Variants in CC2D2B observed in about 807,000 individuals in gnomAD.
CC2D2B encodes the protein coiled-coil and C2 domain containing 2B.
In CC2D2B, 128 loss-of-function variants were observed where a neutral mutation model predicts 161.2. The observed-to-expected ratio is 0.79, with a 90% CI of 0.69 to 0.92. CC2D2B has a LOEUF of 0.92. Ranked by LOEUF, CC2D2B falls within the 40% of genes least tolerant of loss-of-function variation. The pLI, the probability that CC2D2B is intolerant of heterozygous loss-of-function variation, is 0.00. For synonymous variants in CC2D2B, 391 were observed against 449.8 expected, an observed-to-expected ratio of 0.87 and a Z score of 1.65; for missense variants, 1,173 against 1,375.1, an observed-to-expected ratio of 0.85 and a Z score of 2.32.
intron 11 of CC2D2B, among the ~76,000 whole-genome samples, chr10:95,956,015 A>G (rs1055205044): frequency 6.6e-6 from 1 of 152,178 alleles, no homozygotes; most frequent in Non-Finnish European, 1.5e-5. Context: ...CTCTAAAAGC[A>G]GGAAAATTCA....
In CC2D2B at chr10:95,992,665, T is replaced by C; in HGVS notation, c.2610T>C (p.Tyr870=). The C allele has an allele frequency of 4.1e-6, 5 of 1,234,298 alleles. No homozygotes were observed. The highest frequency in any genetic ancestry group is 5.1e-6 in the Non-Finnish European group (5 of 988,096). 76.5% of individuals were successfully genotyped at this position (1,234,298 alleles called of 1,614,324 possible). Residue 870 remains tyrosine (Y), a synonymous_variant, in exon 22 of 35, where the codon TAT becomes TAC. Coordinates refer to ENST00000646931, the MANE Select transcript of CC2D2B (RefSeq NM_001349008.3). ...TTCTTGTCCGAATAGTGAGGGCCTATAATATTCCTACCAGAAAAACAACAA... is the reference window on the plus strand; with the variant it reads ...TTCTTGTCCGAATAGTGAGGGCCTACAATATTCCTACCAGAAAAACAACAA... The part of the protein sequence containing the change: ...IKILVRIVRA[Y]NIPTRKTTIN...
intron 15 of CC2D2B, among the ~76,000 whole-genome samples, chr10:95,971,574 A>G (rs2077133688): frequency 6.6e-6 from 1 of 152,100 alleles, no homozygotes; most frequent in African/African-American, 2.4e-5. Context: ...CACCACTCCC[A>G]TAGCTTGTTT....
chr10:95,937,454 A>G (rs1253443366), intron 6 of CC2D2B, among the ~76,000 whole-genome samples: 1 of 151,922 alleles, frequency 6.6e-6, no homozygotes, highest in Non-Finnish European at 1.5e-5. Flanking sequence ...TATAACCTTT[A>G]TATATATCAT....
intron 24 of CC2D2B, among the ~76,000 whole-genome samples, chr10:96,002,504 G>A (rs1348384476): frequency 6.6e-6 from 1 of 152,172 alleles, no homozygotes; most frequent in African/African-American, 2.4e-5. Context: ...CTTAAGTGAT[G>A]TCAGGAATAT....
At chr10:95,954,114 G>A (rs1277932984) in intron 10 of CC2D2B, among the ~76,000 whole-genome samples, 1 of 151,982 alleles carries the variant, frequency 6.6e-6, no homozygotes, top group Non-Finnish European at 1.5e-5. Context: ...ATCCTTTAAG[G>A]GCAATGAATA....
chr10:95,996,336 T>C, intron 24 of CC2D2B, 84 bp downstream of exon 24: 3 of 639,886 alleles, frequency 4.7e-6, no homozygotes, highest in Non-Finnish European at 7.9e-6. Flanking sequence ...TGAAAATAAT[T>C]ATTGAAATAG....
chr10:96,029,284 A>C (rs1328027486), intron 34 of CC2D2B, among the ~76,000 whole-genome samples: 7 of 53,746 alleles, frequency 1.3e-4, no homozygotes, highest in Admixed American at 4.2e-4. Context: ...ATATATATAT[A>C]TGTATATATA....
At chr10:95,937,725 T>C (rs1277399709) in intron 6 of CC2D2B, among the ~76,000 whole-genome samples, 40 of 152,118 alleles carry the variant, frequency 2.6e-4, no homozygotes, top group Admixed American at 2.6e-3. Flanking sequence ...ACATTTTCCA[T>C]AGGGGAGGAA....
chr10:95,947,005 T>C (rs1231469906), intron 9 of CC2D2B, among the ~76,000 whole-genome samples: 1 of 148,048 alleles, frequency 6.8e-6, no homozygotes, highest in African/African-American at 2.5e-5. Flanking sequence ...CCCTCGTAAA[T>C]TGCATTACTG....
At position 95,937,987 on chromosome 10, in the gene CC2D2B, A is replaced by G. The variant is rs1026369988; in HGVS notation, c.337-4A>G. 1.2e-5 allele frequency: 19 copies of G among 1,526,490 alleles called. No individual in the cohort carries two copies. The highest frequency in any genetic ancestry group is 5.9e-5 in the Admixed American group (3 of 50,554). 94.6% of individuals were successfully genotyped at this position (1,526,490 alleles called of 1,614,324 possible). A position where few individuals can be genotyped will look rare whatever the true frequency, so the allele number is the denominator to read the frequency against. On this transcript the variant is annotated splice_region_variant and splice_polypyrimidine_tract_variant and intron_variant, in intron 6 of 34. Transcript: ENST00000646931. ...AACTTATTTTCCTTTTTGGTATTCA[A>G]CAGAGACCAGTAAACCGTAGTTATC...
intron 2 of CC2D2B, chr10:95,921,476 G>A (rs1296538037): frequency 6.6e-6 from 1 of 152,222 alleles, no homozygotes; most frequent in Non-Finnish European, 1.5e-5. Context: ...CAGGCACTAT[G>A]ATTGCTCACC....
intron 34 of CC2D2B, among the ~76,000 whole-genome samples, chr10:96,028,665 G>A (rs1400746795): frequency 2.0e-5 from 3 of 152,184 alleles, no homozygotes; most frequent in Non-Finnish European, 4.4e-5. Context: ...TTGAAGACAT[G>A]CCTGCACTCC....
In CC2D2B at chr10:95,938,786, AT is replaced by A; in HGVS notation, c.673-6del. On this transcript the variant is annotated splice_polypyrimidine_tract_variant and intron_variant, in intron 8 of 34. Coordinates refer to ENST00000646931, the MANE Select transcript of CC2D2B (RefSeq NM_001349008.3). ...AAATATTTAATTACTATACTTAAATATTTTTGATAGGGAAAATGTTGGTTTG... is the reference window on the plus strand; with the variant it reads ...AAATATTTAATTACTATACTTAAATATTTTGATAGGGAAAATGTTGGTTTG... The A allele has an allele frequency of 2.8e-6, 2 of 706,116 alleles. No homozygotes were observed. The allele number at this position is 706,116 out of a possible 1,614,324, so 43.7% of individuals were successfully genotyped here.
In CC2D2B at chr10:95,961,799, C is replaced by A. The variant is rs1472111833; in HGVS notation, c.1110-30C>A. 3 of 1,227,472 alleles carry A rather than the reference C, an allele frequency of 2.4e-6. 1 individual carries two copies. The South Asian group carries it at 1.2e-4, about 51-fold the overall frequency. The allele number at this position is 1,227,472 out of a possible 1,614,324, so 76.0% of individuals were successfully genotyped here. A position where few individuals can be genotyped will look rare whatever the true frequency, so the allele number is the denominator to read the frequency against. ...AAGGCTTTTAGTTCTAATCCACTGA[C>A]AAATTTTTGCTCTGCCATTTTTGTT... On this transcript the variant is annotated intron_variant, in intron 11 of 34. Transcript: ENST00000646931.
At chr10:95,986,926 A>G (rs911327508) in intron 19 of CC2D2B, among the ~76,000 whole-genome samples, 3 of 152,234 alleles carry the variant, frequency 2.0e-5, no homozygotes, top group Non-Finnish European at 4.4e-5. Context: ...CATTAAAATT[A>G]AAAACCTACA....
chr10:96,018,945 G>C (rs1209134239), intron 30 of CC2D2B: 2 of 272,888 alleles, frequency 7.3e-6, no homozygotes, highest in Non-Finnish European at 1.4e-5. Flanking sequence ...CTACAGGTGT[G>C]TGTGCCGCTG....
chr10:96,029,713 A>G (rs1013376759), intron 34 of CC2D2B, among the ~76,000 whole-genome samples: 4 of 152,164 alleles, frequency 2.6e-5, no homozygotes, highest in African/African-American at 9.7e-5. Context: ...GTCTTTGCAT[A>G]TAATCTATGT....
At chr10:95,918,127 C>T (rs1163576756) in intron 2 of CC2D2B, among the ~76,000 whole-genome samples, 1 of 152,110 alleles carries the variant, frequency 6.6e-6, no homozygotes, top group Non-Finnish European at 1.5e-5. Flanking sequence ...TCAGTATTCC[C>T]ATTCAAGATA....
chr10:95,936,204 T>G (rs1166715961), intron 6 of CC2D2B, among the ~76,000 whole-genome samples: 1 of 152,154 alleles, frequency 6.6e-6, no homozygotes, highest in Admixed American at 6.5e-5. Context: ...CAAATGGGCT[T>G]CTTGGGTATG....
Sources: gnomAD v4.1 joint callset for allele counts (sites outside exome capture counted in the v4.1 genomes callset) on GRCh38, gnomAD v4.1.1 for gene constraint, MANE v1.5 for transcripts, NCBI Gene and HGNC (gene_info 2026-07-23, HGNC 2026-07-21) for gene names.